Variants in SLC35F3 observed in about 807,000 individuals in gnomAD.
SLC35F3 encodes solute carrier family 35 member F3.
A neutral mutation model predicts 49.9 loss-of-function variants in SLC35F3; 25 were observed. That is an observed-to-expected ratio of 0.50 (90% CI 0.37 to 0.70). The LOEUF (loss-of-function observed/expected upper bound fraction) is 0.70. SLC35F3 is among the 30% of genes least tolerant of loss of function. SLC35F3 has a pLI of 0.00. For missense variants in SLC35F3, 525 were observed against 639.8 expected, an observed-to-expected ratio of 0.82 and a Z score of 1.94; for synonymous variants, 275 against 265.4, an observed-to-expected ratio of 1.04 and a Z score of -0.35.
chr1:234,143,753 T>C (rs1665955128), intron 2 of SLC35F3, among the ~76,000 whole-genome samples: 1 of 152,238 alleles, frequency 6.6e-6, no homozygotes, highest in African/African-American at 2.4e-5. Context: ...TCCTTATCCA[T>C]TCATCATGTA....
intron 2 of SLC35F3, among the ~76,000 whole-genome samples, chr1:234,207,227 G>C (rs1236606007): frequency 6.6e-6 from 1 of 151,694 alleles, no homozygotes; most frequent in Non-Finnish European, 1.5e-5. Context: ...CAGGGAGAGA[G>C]ATACAGAGAC....
intron 2 of SLC35F3, among the ~76,000 whole-genome samples, chr1:234,015,078 G>T (rs1285324131): frequency 2.0e-5 from 3 of 152,172 alleles, no homozygotes; most frequent in Non-Finnish European, 2.9e-5. Flanking sequence ...GGGTACAGTG[G>T]CTCATGCCTG....
chr1:234,023,161 A>C (rs1403733051), intron 2 of SLC35F3, among the ~76,000 whole-genome samples: 1 of 152,162 alleles, frequency 6.6e-6, no homozygotes, highest in Non-Finnish European at 1.5e-5. Flanking sequence ...GAGGAAGAAA[A>C]AGGGAGAAGA....
chr1:234,085,566 T>C (rs1238787782), intron 2 of SLC35F3, among the ~76,000 whole-genome samples: 1 of 152,212 alleles, frequency 6.6e-6, no homozygotes, highest in Non-Finnish European at 1.5e-5. Flanking sequence ...ATGTAATTTG[T>C]ATTGGGCTAC....
At chr1:233,949,131 A>C (rs1662563777) in intron 2 of SLC35F3, among the ~76,000 whole-genome samples, 1 of 152,074 alleles carries the variant, frequency 6.6e-6, no homozygotes, top group Non-Finnish European at 1.5e-5. Flanking sequence ...CCCATGGATC[A>C]CTGGGCTTGT....
intron 3 of SLC35F3, among the ~76,000 whole-genome samples, chr1:234,294,406 A>G (rs1200502314): frequency 3.3e-5 from 5 of 152,184 alleles, no homozygotes; most frequent in Non-Finnish European, 7.3e-5. Context: ...ATCAGCCACA[A>G]TTAAGGCTTC....
intron 3 of SLC35F3, among the ~76,000 whole-genome samples, chr1:234,307,981 T>C (rs1657240732): frequency 6.6e-6 from 1 of 152,216 alleles, no homozygotes; most frequent in South Asian, 2.1e-4. Context: ...TGTAGAAGAC[T>C]GGCTTTAATT....
At chr1:233,951,895 T>C (rs1200488511) in intron 2 of SLC35F3, among the ~76,000 whole-genome samples, 1 of 151,870 alleles carries the variant, frequency 6.6e-6, no homozygotes, top group East Asian at 1.9e-4. Context: ...TTATGTCAAA[T>C]ATATTTTAAA....
intron 2 of SLC35F3, among the ~76,000 whole-genome samples, chr1:233,983,483 G>A (rs921881952): frequency 1.9e-4 from 29 of 152,156 alleles, no homozygotes; most frequent in African/African-American, 7.0e-4. Flanking sequence ...CCCCACAGAA[G>A]CATAGCAAAA....
At chr1:234,080,099 C>A (rs1664851392) in intron 2 of SLC35F3, among the ~76,000 whole-genome samples, 1 of 152,120 alleles carries the variant, frequency 6.6e-6, no homozygotes, top group Non-Finnish European at 1.5e-5. Flanking sequence ...TCAGCCCCAC[C>A]CCCGACCTCC....
intron 2 of SLC35F3, among the ~76,000 whole-genome samples, chr1:234,117,701 A>T (rs936263492): frequency 2.0e-5 from 3 of 151,644 alleles, no homozygotes; most frequent in Non-Finnish European, 2.9e-5. Context: ...CCTGGCTAAC[A>T]TGGTGAAACC....
At chr1:234,181,338 G>GAAAAAAA (rs34757532) in intron 2 of SLC35F3, among the ~76,000 whole-genome samples, 69 of 97,276 alleles carry the variant, frequency 7.1e-4, no homozygotes, top group Non-Finnish European at 8.6e-4. Flanking sequence ...TCTGTCTCAA[G>GAAAAAAA]AAAAAAAAAA....
intron 2 of SLC35F3, among the ~76,000 whole-genome samples, chr1:234,052,343 G>A (rs6586368): frequency 0.99 from 150,797 of 152,318 alleles, 74,652 homozygotes; most frequent in East Asian, 1. Flanking sequence ...CAGGGATTCC[G>A]CTTCTTACTG....
At position 234,266,886 on chromosome 1, in the gene SLC35F3, T is replaced by TG. The variant is rs1553259699; in HGVS notation, c.608+35145_608+35146insG. ...ATGAAGCACATGGTTTTTTTTTTTT[T>TG]TTTTTTTTTTTATTGATCATTCTTG... On this transcript the variant is annotated intron_variant, in intron 3 of 7. Transcript: ENST00000366618. 2.5e-3 allele frequency among the ~76,000 whole-genome samples: 367 copies of TG among 149,342 alleles called. 1 individual carries two copies. The highest frequency in any genetic ancestry group is 8.1e-3 in the African/African-American group (328 of 40,512).
chr1:233,932,677 C>T (rs1662264495), intron 2 of SLC35F3, among the ~76,000 whole-genome samples: 1 of 152,108 alleles, frequency 6.6e-6, no homozygotes, highest in African/African-American at 2.4e-5. Context: ...GAAAGGGAGC[C>T]ACTCCACATA....
chr1:234,108,185 T>G (rs1665312582), intron 2 of SLC35F3, among the ~76,000 whole-genome samples: 1 of 127,806 alleles, frequency 7.8e-6, no homozygotes, highest in African/African-American at 3.5e-5. Flanking sequence ...GGAAGTGAGA[T>G]ATATATATAA....
At chr1:234,216,936 T>C (rs556315076) in intron 2 of SLC35F3, among the ~76,000 whole-genome samples, 2 of 152,362 alleles carry the variant, frequency 1.3e-5, no homozygotes, top group South Asian at 2.1e-4. Flanking sequence ...TATGCCTGGC[T>C]CACATATAGC....
At chr1:234,133,148 G>A (rs1665759100) in intron 2 of SLC35F3, among the ~76,000 whole-genome samples, 1 of 152,000 alleles carries the variant, frequency 6.6e-6, no homozygotes, top group Admixed American at 6.6e-5. Flanking sequence ...TTTTTGGTGG[G>A]GAGTGTCTTT....
chr1:234,215,684 AT>A (rs1259159352), intron 2 of SLC35F3, among the ~76,000 whole-genome samples: 1 of 152,228 alleles, frequency 6.6e-6, no homozygotes, highest in Admixed American at 6.5e-5. Flanking sequence ...CTTCTTGTTT[AT>A]TACAATGAAT....
Sources: allele counts gnomAD v4.1 joint callset (sites outside exome capture counted in the v4.1 genomes callset), GRCh38; gene constraint gnomAD v4.1.1; transcripts MANE v1.5; gene names NCBI Gene and HGNC (gene_info 2026-07-23, HGNC 2026-07-21).